Variants in NOTCH2 observed in about 807,000 individuals in gnomAD.
The protein encoded by NOTCH2 is neurogenic locus notch homolog protein 2.
In NOTCH2, 29 loss-of-function variants were observed where a neutral mutation model predicts 235.8. The ratio of observed to expected loss-of-function variants is 0.12; its 90% CI spans 0.09 to 0.17. The LOEUF is 0.17. Ranked by LOEUF, NOTCH2 falls within the 10% of genes least tolerant of loss-of-function variation. NOTCH2 has a pLI of 1.00. For synonymous variants in NOTCH2, 1,086 were observed against 1,141.5 expected (o/e 0.95, Z 0.98); for missense variants, 2,285 against 3,150.2 (o/e 0.73, Z 6.57).
chr1:119,982,820 A>C (rs782672002), intron 5 of NOTCH2, among the ~76,000 whole-genome samples: 13 of 152,250 alleles, frequency 8.5e-5, no homozygotes, highest in Non-Finnish European at 1.9e-4. Context: ...GGCACAAACA[A>C]ACACTAATTA....
chr1:119,935,468 A>G lies in NOTCH2; in HGVS notation c.3655+4T>C. On this transcript the variant is annotated splice_donor_region_variant and intron_variant, in intron 22 of 33. Transcript: ENST00000256646. Reference sequence around the variant, plus strand: ...ATGGAAAATGGATAAGGATGATTTCATACCCCGAGTGCCTGGTGGGCAAGA... The same window carrying G: ...ATGGAAAATGGATAAGGATGATTTCGTACCCCGAGTGCCTGGTGGGCAAGA... 6.2e-7 allele frequency: 1 copy of G among 1,614,228 alleles called. No homozygotes were observed. The highest frequency in any genetic ancestry group is 8.5e-7 in the Non-Finnish European group (1 of 1,180,024).
intron 2 of NOTCH2, among the ~76,000 whole-genome samples, chr1:120,027,904 C>G (rs1553210250): frequency 1.4e-5 from 2 of 144,180 alleles, no homozygotes; most frequent in Admixed American, 6.8e-5. Flanking sequence ...GGTTCCAAGT[C>G]TTTCCTACTG....
intron 4 of NOTCH2, chr1:119,993,679 ACAGT>A (rs1466458688): frequency 5.4e-4 from 9 of 16,548 alleles, no homozygotes; most frequent in African/African-American, 2.3e-3. Context: ...ACTAAACCAT[ACAGT>A]CAGTCAGCCA....
rs1401706764 is a variant in NOTCH2, at chr1:119,919,616, G to A, written c.5480-3C>T. 1 of 1,613,530 alleles carries A rather than the reference G, an allele frequency of 6.2e-7. No individual in the cohort carries two copies. The highest frequency in any genetic ancestry group is 8.5e-7 in the Non-Finnish European group (1 of 1,179,832). ...CAACATCAATGGGGTGCAGCCATCT[G>A]TAGGAATGGAAAATTCCATAAAGTA... is the stretch of plus-strand genomic sequence containing the variant. On this transcript the variant is annotated splice_polypyrimidine_tract_variant and splice_region_variant and intron_variant, in intron 30 of 33. Coordinates refer to ENST00000256646, the MANE Select transcript of NOTCH2 (RefSeq NM_024408.4).
intron 21 of NOTCH2, among the ~76,000 whole-genome samples, chr1:119,936,195 G>T (rs996968484): frequency 1.4e-4 from 22 of 152,288 alleles, no homozygotes; most frequent in African/African-American, 5.1e-4. Flanking sequence ...ACTTTGACAG[G>T]TTTGCACCTG....
intron 5 of NOTCH2, among the ~76,000 whole-genome samples, chr1:119,981,427 C>T (rs1651807922): frequency 6.6e-6 from 1 of 152,088 alleles, no homozygotes; most frequent in South Asian, 2.1e-4. Flanking sequence ...ATAATATATT[C>T]CATGTAGTAG....
chr1:120,024,745 C>A (rs1273207651), intron 2 of NOTCH2, among the ~76,000 whole-genome samples: 1 of 152,222 alleles, frequency 6.6e-6, no homozygotes, highest in East Asian at 1.9e-4. Context: ...GTATACAACT[C>A]ACAGTGACTT....
chr1:119,966,950 C>T (rs1553199742), intron 8 of NOTCH2, among the ~76,000 whole-genome samples: 1 of 152,192 alleles, frequency 6.6e-6, no homozygotes, highest in East Asian at 1.9e-4. Flanking sequence ...GCCATCATTT[C>T]AAGCTGGATT....
At chr1:120,013,856 A>G (rs1243309585) in intron 2 of NOTCH2, among the ~76,000 whole-genome samples, 5 of 151,602 alleles carry the variant, frequency 3.3e-5, no homozygotes, top group Admixed American at 6.6e-5. Context: ...TGAGATGGCT[A>G]AAGTTGAATT....
Position 119,955,231 on chromosome 1 carries a change from C to T in NOTCH2, c.2028G>A (p.Gly676=), listed in dbSNP as rs1553198268. Residue 676 remains glycine (G), a splice_region_variant and synonymous_variant, in exon 13 of 34, where the codon GGG becomes GGA. Coordinates refer to ENST00000256646, the MANE Select transcript of NOTCH2 (RefSeq NM_024408.4). ...CATCAATGTCAATGTTACATCTCTG[C>T]CCTGTGGAGAAGGGGGACAGTGTTA... The part of the protein sequence containing the change: ...YSCVCSPGFT[G]QRCNIDIDEC... The T allele has an allele frequency of 6.2e-7, 1 of 1,614,016 alleles. No individual in the cohort carries two copies. Among genetic ancestry groups the T allele is most frequent in the Non-Finnish European group, 8.5e-7 (1 of 1,179,914 alleles).
At chr1:119,948,214 T>C (rs1327599900) in intron 17 of NOTCH2, among the ~76,000 whole-genome samples, 200 bp downstream of exon 17, 1 of 152,212 alleles carries the variant, frequency 6.6e-6, no homozygotes, top group African/African-American at 2.4e-5. Flanking sequence ...AGGGAATGCT[T>C]AAAATATATT....
intron 1 of NOTCH2, among the ~76,000 whole-genome samples, chr1:120,051,283 A>T (rs1654987303): frequency 9.8e-6 from 1 of 101,796 alleles, no homozygotes; most frequent in Admixed American, 8.8e-5. Flanking sequence ...ACGCACACAC[A>T]CACAGAGTTA....
chr1:119,966,543 G>T lies in NOTCH2; in HGVS notation c.1454-54C>A, dbSNP rs147753852. 581 of 1,273,662 alleles carry T rather than the reference G, an allele frequency of 4.6e-4. 2 individuals are homozygous for T. The African/African-American group carries it at 7.8e-3, about 17-fold the overall frequency. The allele number at this position is 1,273,662 out of a possible 1,614,324, so 78.9% of individuals were successfully genotyped here. On this transcript the variant is annotated intron_variant, in intron 8 of 33. Coordinates refer to ENST00000256646, the MANE Select transcript of NOTCH2 (RefSeq NM_024408.4). ...TAAAGAGAGAGAAAGGTGTATTCCA[G>T]ACAAGGAAGCACAAATTTGCAATGA...
chr1:120,023,106 A>C (rs868913770), intron 2 of NOTCH2, among the ~76,000 whole-genome samples: 16 of 152,058 alleles, frequency 1.1e-4, no homozygotes, highest in Admixed American at 2.6e-4. Flanking sequence ...TGTTAATAGG[A>C]ATCAGGACTC....
chr1:119,937,146 A>G, intron 21 of NOTCH2, 136 bp downstream of exon 21: 1 of 885,466 alleles, frequency 1.1e-6, no homozygotes, highest in Non-Finnish European at 1.8e-6. Context: ...ACAGTGGTAA[A>G]CATTATGACG....
rs147128314 is a variant in NOTCH2 at position 119,969,673 on chromosome 1, C to A, written c.946G>T (p.Ala316Ser). Residue 316 changes from alanine (A) to serine (S), a missense_variant, in exon 6 of 34, where the codon GCC becomes TCC. Ala to Ser is a moderately conservative substitution (Grantham distance 99). Coordinates refer to ENST00000256646, the MANE Select transcript of NOTCH2 (RefSeq NM_024408.4). ...CAGCCATAGCCTCCATTGCGGTTGG[C>A]ACAGGTGCCCCCATTTTGACAGGCA... ...PNACQNGGTC[A>S]NRNGGYGCVC... 3.1e-6 allele frequency: 5 copies of A among 1,614,030 alleles called. No homozygotes were observed. The African/African-American group carries it at 5.3e-5, about 17-fold the overall frequency.
intron 17 of NOTCH2, among the ~76,000 whole-genome samples, chr1:119,944,715 G>T (rs1303041904): frequency 1.3e-5 from 2 of 152,090 alleles, no homozygotes; most frequent in African/African-American, 2.4e-5. Context: ...CAAGGAAGAA[G>T]ATAATAGGAT....
chr1:119,983,818 G>A (rs782122167), intron 5 of NOTCH2, among the ~76,000 whole-genome samples: 23 of 152,232 alleles, frequency 1.5e-4, no homozygotes, highest in East Asian at 7.7e-4. Context: ...AAACAAAGCC[G>A]TAACTATCAG....
chr1:120,029,497 T>G (rs1654010456), intron 2 of NOTCH2, among the ~76,000 whole-genome samples: 1 of 150,544 alleles, frequency 6.6e-6, no homozygotes, highest in African/African-American at 2.4e-5. Context: ...ACTCCAGTCA[T>G]GCGCCACCAC....
Sources: allele counts gnomAD v4.1 joint callset (sites outside exome capture counted in the v4.1 genomes callset), GRCh38; gene constraint gnomAD v4.1.1; transcripts MANE v1.5; gene names NCBI Gene and HGNC (gene_info 2026-07-23, HGNC 2026-07-21).